CDK5RAP2: variants seen among roughly 807,000 people sequenced by gnomAD.
The protein encoded by CDK5RAP2 is CDK5 regulatory subunit associated protein 2, also known as CDK5 regulatory subunit-associated protein 2.
A neutral mutation model predicts 232.9 loss-of-function variants in CDK5RAP2; 147 were observed. The observed-to-expected ratio is 0.63, with a 90% confidence interval of 0.55 to 0.72. The LOEUF (loss-of-function observed/expected upper bound fraction) is 0.72, where lower values mean the gene tolerates loss of function less well. Ranked by LOEUF, CDK5RAP2 falls within the 30% of genes least tolerant of loss-of-function variation. CDK5RAP2 has a pLI of 0.00. For synonymous variants in CDK5RAP2, 833 were observed against 833.7 expected (o/e 1.00, Z 0.01); for missense variants, 2,195 against 2,231.5 (o/e 0.98, Z 0.33).
At chr9:120,438,776 A>G (rs2035728694) in intron 24 of CDK5RAP2, among the ~76,000 whole-genome samples, 1 of 152,312 alleles carries the variant, frequency 6.6e-6, no homozygotes, top group African/African-American at 2.4e-5. Context: ...GCTCCTGACA[A>G]TTCAGAACAA....
At chr9:120,514,475 G>A (rs190759151) in intron 12 of CDK5RAP2, among the ~76,000 whole-genome samples, 4 of 152,300 alleles carry the variant, frequency 2.6e-5, no homozygotes, top group Non-Finnish European at 5.9e-5. Flanking sequence ...AAACCAGCCA[G>A]GGCAGCAAAG....
At chr9:120,492,803 CAAT>C (rs1195124945) in intron 12 of CDK5RAP2, among the ~76,000 whole-genome samples, 1 of 152,056 alleles carries the variant, frequency 6.6e-6, no homozygotes, top group Non-Finnish European at 1.5e-5. Flanking sequence ...ATTTATTAAA[CAAT>C]TATTGTCATA....
At chr9:120,507,962 T>G (rs1457173168) in intron 12 of CDK5RAP2, among the ~76,000 whole-genome samples, 2 of 120,662 alleles carry the variant, frequency 1.7e-5, no homozygotes, top group Non-Finnish European at 3.3e-5. Context: ...TATATATATA[T>G]ATATATAGTG....
intron 12 of CDK5RAP2, among the ~76,000 whole-genome samples, chr9:120,502,696 G>T (rs1170376264): frequency 6.6e-6 from 1 of 152,160 alleles, no homozygotes; most frequent in Non-Finnish European, 1.5e-5. Context: ...CCAAGATTAG[G>T]AGTTCTTAAC....
At chr9:120,414,370 C>A (rs552793499) in intron 28 of CDK5RAP2, among the ~76,000 whole-genome samples, 1 of 152,068 alleles carries the variant, frequency 6.6e-6, no homozygotes, top group Non-Finnish European at 1.5e-5. Flanking sequence ...ACATGCTTTA[C>A]GGAATGAGGA....
intron 2 of CDK5RAP2, among the ~76,000 whole-genome samples, chr9:120,568,784 A>C (rs1383154127): frequency 1.3e-5 from 2 of 152,150 alleles, no homozygotes; most frequent in African/African-American, 4.8e-5. Context: ...CTTTTTCTTA[A>C]AACGCCAGAC....
rs778681238 is a variant in CDK5RAP2 at position 120,439,916 on chromosome 9, G to T, written c.3205C>A (p.Pro1069Thr). The T allele has an allele frequency of 1.5e-5, 24 of 1,614,040 alleles. No individual in the cohort carries two copies. The highest frequency in any genetic ancestry group is 1.9e-5 in the Non-Finnish European group (23 of 1,180,034). ...GAAGTTGGGCTCAGAACATCTTCAG[G>T]ATTTTCTTTGCATGATGGCAAGCTG... The part of the protein sequence containing the change: ...LASLPSCKEN[P>T]EDVLSPTSVA... The change falls in exon 24 of 38, where the codon CCT (proline) becomes ACT (threonine). Residue 1069 changes from proline to threonine, a missense_variant. Pro to Thr is a conservative substitution (Grantham distance 38). Transcript: ENST00000349780.
intron 22 of CDK5RAP2, among the ~76,000 whole-genome samples, chr9:120,446,007 C>A (rs1367790292): frequency 6.6e-6 from 1 of 152,170 alleles, no homozygotes; most frequent in African/African-American, 2.4e-5. Context: ...CTCCATCCTT[C>A]CAAAGGTTCA....
At chr9:120,394,205 C>T (rs984383986) in intron 36 of CDK5RAP2, among the ~76,000 whole-genome samples, 2 of 152,130 alleles carry the variant, frequency 1.3e-5, no homozygotes, top group Non-Finnish European at 2.9e-5. Flanking sequence ...CCCACCTTGC[C>T]GGGACAGAGT....
chr9:120,463,737 T>C lies in CDK5RAP2; in HGVS notation c.2107-3070A>G, dbSNP rs146133686. Among the ~76,000 whole-genome samples, 777 of 152,338 alleles carry C rather than the reference T, an allele frequency of 5.1e-3. 7 individuals are homozygous for C. The highest frequency in any genetic ancestry group is 0.01 in the Middle Eastern group (3 of 294). ...ACAACCATGCCAATGCTTGACACAG[T>C]TAAATAAAAATTAACTTTCATTTCT... On this transcript the variant is annotated intron_variant, in intron 18 of 37. Transcript: ENST00000349780.
intron 25 of CDK5RAP2, among the ~76,000 whole-genome samples, chr9:120,428,370 A>G (rs2131415759): frequency 1.3e-5 from 2 of 152,330 alleles, no homozygotes; most frequent in South Asian, 4.1e-4. Context: ...CAAGACTAAT[A>G]AAGAAAAAAA....
At chr9:120,460,429 G>C (rs2037019677) in intron 19 of CDK5RAP2, 143 bp downstream of exon 19, 1 of 754,996 alleles carries the variant, frequency 1.3e-6, no homozygotes, top group Non-Finnish European at 2.3e-6. Flanking sequence ...AAAAGACCTA[G>C]TCTTTGCTTT....
At chr9:120,519,853 G>A (rs1324860941) in intron 11 of CDK5RAP2, among the ~76,000 whole-genome samples, 1 of 151,880 alleles carries the variant, frequency 6.6e-6, no homozygotes, top group East Asian at 1.9e-4. Flanking sequence ...ACAAAAAGTA[G>A]AGATATATCT....
chr9:120,536,219 A>G (rs1212860991), intron 7 of CDK5RAP2, among the ~76,000 whole-genome samples, 153 bp downstream of exon 7: 1 of 152,148 alleles, frequency 6.6e-6, no homozygotes, highest in Non-Finnish European at 1.5e-5. Context: ...CTAGTTTTCT[A>G]TCTAACTGTG....
At chr9:120,567,704 G>A (rs1564387186) in intron 3 of CDK5RAP2, among the ~76,000 whole-genome samples, 1 of 152,152 alleles carries the variant, frequency 6.6e-6, no homozygotes, top group Non-Finnish European at 1.5e-5. Context: ...CACAGTACTA[G>A]GTACAGGCTA....
chr9:120,514,259 G>A (rs1238783271), intron 12 of CDK5RAP2, among the ~76,000 whole-genome samples: 3 of 152,190 alleles, frequency 2.0e-5, no homozygotes, highest in African/African-American at 7.2e-5. Context: ...AGAGTATACA[G>A]CTGCTTTTGG....
intron 11 of CDK5RAP2, among the ~76,000 whole-genome samples, chr9:120,523,001 G>A (rs1318113912): frequency 2.0e-5 from 3 of 152,244 alleles, no homozygotes; most frequent in Non-Finnish European, 4.4e-5. Context: ...ACAGACTTGA[G>A]TTCAAGTCCT....
chr9:120,537,828 A>T (rs2041460687), intron 6 of CDK5RAP2, among the ~76,000 whole-genome samples: 1 of 152,200 alleles, frequency 6.6e-6, no homozygotes, highest in Non-Finnish European at 1.5e-5. Flanking sequence ...GCCCACAATA[A>T]ATTGTTAATA....
At chr9:120,483,310 C>T (rs942374887) in intron 14 of CDK5RAP2, among the ~76,000 whole-genome samples, 2 of 152,240 alleles carry the variant, frequency 1.3e-5, no homozygotes, top group Non-Finnish European at 2.9e-5. Context: ...GCCAGGCCCT[C>T]GGCCCACTTG....
Sources: allele counts gnomAD v4.1 joint callset (sites outside exome capture counted in the v4.1 genomes callset), GRCh38; gene constraint gnomAD v4.1.1; transcripts MANE v1.5; gene names NCBI Gene and HGNC (gene_info 2026-07-23, HGNC 2026-07-21).